SUSD5: variants seen among roughly 807,000 people sequenced by gnomAD.
SUSD5 encodes the protein sushi domain containing 5.
Under a neutral mutation model 29.5 loss-of-function variants are expected in SUSD5, and 33 were observed. That is an observed-to-expected ratio of 1.12 (90% CI 0.85 to 1.49). SUSD5 has a LOEUF of 1.49. SUSD5 is among the 40% of genes most tolerant of loss of function. The pLI is 0.00. For missense variants in SUSD5, 776 were observed against 800.6 expected (o/e 0.97, Z 0.37); for synonymous variants, 308 against 325.3 (o/e 0.95, Z 0.57).
intron 4 of SUSD5, among the ~76,000 whole-genome samples, chr3:33,163,224 G>A (rs572355931): frequency 6.6e-6 from 1 of 152,130 alleles, no homozygotes; most frequent in African/African-American, 2.4e-5. Context: ...AACCTGGCAA[G>A]GACATAATAA....
In SUSD5 at chr3:33,207,826, G is replaced by A. The variant is rs759873643; in HGVS notation, c.391C>T (p.Leu131Phe). The A allele has an allele frequency of 1.1e-5, 17 of 1,611,122 alleles. No individual in the cohort carries two copies. In the African/African-American group the frequency reaches 2.3e-4, roughly 22 times the overall value. The change falls in exon 3 of 5, where the codon CTT (leucine) becomes TTT (phenylalanine). Residue 131 changes from leucine to phenylalanine, a missense_variant. Transcript: ENST00000309558. ...NPVPGGTYSA[L>F]CIKDEEKPCG... is the part of the protein sequence containing the mutation. ...CACTGACCTTCATCCTTAATACAAAGGGCACTGTATGTGCCACCAGGAACT... is the reference window on the plus strand; with the variant it reads ...CACTGACCTTCATCCTTAATACAAAAGGCACTGTATGTGCCACCAGGAACT...
chr3:33,195,611 C>T (rs550289260), intron 3 of SUSD5, among the ~76,000 whole-genome samples: 1 of 152,074 alleles, frequency 6.6e-6, no homozygotes, highest in Non-Finnish European at 1.5e-5. Context: ...ATAGTGAAAT[C>T]CATGGAATTA....
chr3:33,157,976 G>A (rs1359392258), intron 4 of SUSD5, among the ~76,000 whole-genome samples: 2 of 149,148 alleles, frequency 1.3e-5, no homozygotes, highest in East Asian at 2.0e-4. Context: ...CACTAGCAAT[G>A]AGCTGCTTGG....
intron 2 of SUSD5, among the ~76,000 whole-genome samples, chr3:33,209,580 T>G (rs2032284176): frequency 6.6e-6 from 1 of 151,906 alleles, no homozygotes; most frequent in Non-Finnish European, 1.5e-5. Flanking sequence ...TTTCTTTCTT[T>G]CCTTCATTCC....
At position 33,167,463 on chromosome 3, in the gene SUSD5, A is replaced by ATG. The variant is rs1212966101; in HGVS notation, c.598+7421_598+7422dup. ...TGGATGTGCATGTGATTGTGTGTGT[A>ATG]TGTGTGTGTGTGTCTCTGTATGGGT... is the stretch of plus-strand genomic sequence containing the variant. On this transcript the variant is annotated intron_variant, in intron 4 of 4. Transcript: ENST00000309558. The surrounding 1 kb of genome is among the most constrained non-coding windows in gnomAD (Gnocchi z 4.1). Among the ~76,000 whole-genome samples the ATG allele has an allele frequency of 2.6e-5, 4 of 151,352 alleles. No individual in the cohort carries two copies. In the South Asian group the frequency reaches 6.3e-4, roughly 24 times the overall value.
chr3:33,210,550 G>C (rs2032304164), intron 2 of SUSD5, among the ~76,000 whole-genome samples: 1 of 152,188 alleles, frequency 6.6e-6, no homozygotes, highest in Non-Finnish European at 1.5e-5. Flanking sequence ...CTGGATTTAT[G>C]TGTACACTCA....
intron 4 of SUSD5, among the ~76,000 whole-genome samples, chr3:33,169,101 G>A (rs577230224): frequency 6.6e-6 from 1 of 152,272 alleles, no homozygotes; most frequent in African/African-American, 2.4e-5. Context: ...TAAATGAGAT[G>A]AAGTGTGTAA....
At chr3:33,159,607 T>C (rs2031130833) in intron 4 of SUSD5, among the ~76,000 whole-genome samples, 1 of 152,170 alleles carries the variant, frequency 6.6e-6, no homozygotes, top group Non-Finnish European at 1.5e-5. Context: ...CATTACAGGC[T>C]ACACTTGAAA....
chr3:33,155,920 G>A (rs2031040378), intron 4 of SUSD5, among the ~76,000 whole-genome samples: 3 of 152,242 alleles, frequency 2.0e-5, no homozygotes, highest in African/African-American at 7.2e-5. Flanking sequence ...GGACTTTTAG[G>A]GTGCTGGCAA....
intron 3 of SUSD5, among the ~76,000 whole-genome samples, chr3:33,201,385 G>A (rs1005027038): frequency 6.6e-6 from 1 of 152,220 alleles, no homozygotes; most frequent in Non-Finnish European, 1.5e-5. Flanking sequence ...CAGCTCTTCT[G>A]AGTAGCACAG....
intron 2 of SUSD5, among the ~76,000 whole-genome samples, chr3:33,210,460 A>G (rs778110167): frequency 6.6e-5 from 10 of 152,228 alleles, no homozygotes; most frequent in Non-Finnish European, 1.0e-4. Context: ...TTTTAGCCAC[A>G]CTTTATGGAA....
rs1340002585 is a variant in SUSD5 at position 33,204,556 on chromosome 3, C to G, written c.409+3252G>C. Among the ~76,000 whole-genome samples, 1 of 151,976 alleles carries G rather than the reference C, an allele frequency of 6.6e-6. No homozygotes were observed. Reference sequence around the variant, plus strand: ...CAGGATGGTCTCGATCTCCTGACCTCGTGATACACCCACCTCGGCCTCCCA... The same window carrying G: ...CAGGATGGTCTCGATCTCCTGACCTGGTGATACACCCACCTCGGCCTCCCA... On this transcript the variant is annotated intron_variant, in intron 3 of 4. Transcript: ENST00000309558. This position sits in a 1 kb window ranked among gnomAD's most constrained non-coding sequence, Gnocchi z 4.5.
chr3:33,204,491 T>G lies in SUSD5; in HGVS notation c.409+3317A>C, dbSNP rs1046598228. On this transcript the variant is annotated intron_variant, in intron 3 of 4. Coordinates refer to ENST00000309558, the MANE Select transcript of SUSD5 (RefSeq NM_015551.2). The surrounding 1 kb of genome is among the most constrained non-coding windows in gnomAD (Gnocchi z 4.5). ...GCCCACTACCACACCCGGCTAATTTTTTTGTATTTTTAGTAGAGACAGGGT... is the reference window on the plus strand; with the variant it reads ...GCCCACTACCACACCCGGCTAATTTGTTTGTATTTTTAGTAGAGACAGGGT... Among the ~76,000 whole-genome samples the G allele has an allele frequency of 2.0e-5, 3 of 151,820 alleles. No homozygotes were observed. Among genetic ancestry groups the G allele is most frequent in the Admixed American group, 6.6e-5 (1 of 15,228 alleles).
At chr3:33,162,388 A>C (rs1008327305) in intron 4 of SUSD5, among the ~76,000 whole-genome samples, 4 of 152,218 alleles carry the variant, frequency 2.6e-5, no homozygotes, top group Admixed American at 6.5e-5. Context: ...GAAGCTGGGT[A>C]AAGAAAATTA....
At chr3:33,159,331 G>A (rs748921535) in intron 4 of SUSD5, among the ~76,000 whole-genome samples, 1 of 152,124 alleles carries the variant, frequency 6.6e-6, no homozygotes, top group Non-Finnish European at 1.5e-5. Context: ...GTGACTGTAG[G>A]GATACTCAAA....
Position 33,151,939 on chromosome 3 carries a change from G to C in SUSD5, c.*803C>G, listed in dbSNP as rs553395537. On this transcript the variant is annotated 3_prime_UTR_variant, in exon 5 of 5. Coordinates refer to ENST00000309558, the MANE Select transcript of SUSD5 (RefSeq NM_015551.2). The stretch of plus-strand genomic sequence containing the variant: ...AAAGAAACCTCAAAGCTTCTAGACT[G>C]TGTCCTGGCTCTTGGTTCATCTGCC... The C allele has an allele frequency of 6.6e-6, 1 of 152,292 alleles. No individual in the cohort carries two copies. Among genetic ancestry groups the C allele is most frequent in the East Asian group, 1.9e-4 (1 of 5,192 alleles). 9.4% of individuals were successfully genotyped at this position (152,292 alleles called of 1,614,324 possible). A position where few individuals can be genotyped will look rare whatever the true frequency, so the allele number is the denominator to read the frequency against.
At chr3:33,210,212 C>T (rs543552213) in intron 2 of SUSD5, among the ~76,000 whole-genome samples, 4 of 152,272 alleles carry the variant, frequency 2.6e-5, no homozygotes, top group African/African-American at 9.6e-5. Context: ...ACTGGAAATT[C>T]AGGGTCATCT....
intron 3 of SUSD5, among the ~76,000 whole-genome samples, chr3:33,201,734 C>G (rs1370236784): frequency 1.3e-5 from 2 of 152,182 alleles, no homozygotes; most frequent in African/African-American, 4.8e-5. Flanking sequence ...CTCAAGCCCC[C>G]AAGCATGTGC....
At chr3:33,163,651 C>A (rs1335470202) in intron 4 of SUSD5, among the ~76,000 whole-genome samples, 1 of 151,958 alleles carries the variant, frequency 6.6e-6, no homozygotes, top group Non-Finnish European at 1.5e-5. Context: ...CACCTGAGGT[C>A]AGGAGTTCTA....
Sources: gnomAD v4.1 joint callset for allele counts (sites outside exome capture counted in the v4.1 genomes callset) on GRCh38, gnomAD v4.1.1 for gene constraint, Gnocchi (gnomAD v3.1) non-coding constraint, MANE v1.5 for transcripts, NCBI Gene and HGNC (gene_info 2026-07-23, HGNC 2026-07-21) for gene names.